Variants in TRPC6 observed in about 807,000 individuals in gnomAD.
The protein encoded by TRPC6 is transient receptor potential cation channel subfamily C member 6.
Under a neutral mutation model 90.7 loss-of-function variants are expected in TRPC6, and 55 were observed. The ratio of observed to expected loss-of-function variants is 0.61; its 90% CI spans 0.49 to 0.76. The LOEUF (loss-of-function observed/expected upper bound fraction) is 0.76. Among genes scored for constraint, TRPC6 ranks in the 30% least tolerant of loss-of-function variants. The pLI is 0.00. For missense variants in TRPC6, 989 were observed against 1,122.7 expected (o/e 0.88, Z 1.70); for synonymous variants, 393 against 393.0 (o/e 1.00, Z 0.00).
At chr11:101,511,326 A>G (rs1019043832) in intron 1 of TRPC6, among the ~76,000 whole-genome samples, 1 of 152,114 alleles carries the variant, frequency 6.6e-6, no homozygotes, top group African/African-American at 2.4e-5. Context: ...GGTTTTCCTT[A>G]GTCCTATGAG....
At chr11:101,457,394 A>ATTAGAGT (rs1162161331) in intron 10 of TRPC6, among the ~76,000 whole-genome samples, 1 of 152,072 alleles carries the variant, frequency 6.6e-6, no homozygotes, top group Admixed American at 6.6e-5. Flanking sequence ...TCATTTTAGG[A>ATTAGAGT]TTAGAGTGAG....
intron 2 of TRPC6, among the ~76,000 whole-genome samples, chr11:101,496,232 A>G (rs1010824958): frequency 9.9e-5 from 15 of 152,172 alleles, no homozygotes; most frequent in African/African-American, 3.6e-4. Context: ...CTCCAATTCA[A>G]CAAGAGATTT....
chr11:101,475,689 CT>C (rs562805629), intron 6 of TRPC6, among the ~76,000 whole-genome samples: 2 of 151,846 alleles, frequency 1.3e-5, no homozygotes, highest in Non-Finnish European at 1.5e-5. Context: ...TTGAGTTTGA[CT>C]TTTTTTAGAT....
At chr11:101,486,292 T>C (rs940297497) in intron 4 of TRPC6, among the ~76,000 whole-genome samples, 1 of 152,106 alleles carries the variant, frequency 6.6e-6, no homozygotes, top group Non-Finnish European at 1.5e-5. Context: ...AAATTTGCCA[T>C]CTATATACTC....
At chr11:101,534,889 G>A (rs755163402) in intron 1 of TRPC6, among the ~76,000 whole-genome samples, 18 of 152,130 alleles carry the variant, frequency 1.2e-4, no homozygotes, top group South Asian at 2.1e-4. Context: ...TGGGCTGGGC[G>A]TAGTAGCTTA....
chr11:101,578,475 A>G (rs1862120010), intron 1 of TRPC6, among the ~76,000 whole-genome samples: 1 of 152,216 alleles, frequency 6.6e-6, no homozygotes, highest in Non-Finnish European at 1.5e-5. Flanking sequence ...TGTGGTCTCT[A>G]ACATTACATT....
Position 101,452,777 on chromosome 11 carries a change from C to T in TRPC6, c.*178G>A, listed in dbSNP as rs1293136986. The T allele has an allele frequency of 3.0e-6, 2 of 656,700 alleles. No individual in the cohort carries two copies. The highest frequency in any genetic ancestry group is 5.2e-6 in the Non-Finnish European group (2 of 385,458). 40.7% of individuals were successfully genotyped at this position (656,700 alleles called of 1,614,324 possible). ...CATTATCTACAGCCTTTACCCTGAA[C>T]AATGGAGTTTAATCACCAAAAAAAT... is the stretch of plus-strand genomic sequence containing the variant. On this transcript the variant is annotated 3_prime_UTR_variant, in exon 13 of 13. Transcript: ENST00000344327.
chr11:101,519,979 C>G (rs936078868), intron 1 of TRPC6: 1 of 152,510 alleles, frequency 6.6e-6, no homozygotes, highest in African/African-American at 2.4e-5. Flanking sequence ...TTGCACTTTT[C>G]TCTACCCTCT....
At chr11:101,545,710 G>A (rs192177996) in intron 1 of TRPC6, among the ~76,000 whole-genome samples, 1 of 152,280 alleles carries the variant, frequency 6.6e-6, no homozygotes, top group Non-Finnish European at 1.5e-5. Context: ...CACATTAGGA[G>A]TTGCCCCCTA....
At chr11:101,523,336 TCA>T (rs1200743044) in intron 1 of TRPC6, among the ~76,000 whole-genome samples, 2 of 152,168 alleles carry the variant, frequency 1.3e-5, no homozygotes, top group Non-Finnish European at 2.9e-5. Context: ...CTTTTACTGG[TCA>T]CAGTTATTTT....
rs1860195124 is a variant in TRPC6, at chr11:101,504,076, A to C, written c.893T>G (p.Leu298Ter). Residue 298 changes from leucine (L) to a stop codon, truncating the protein, a stop_gained, in exon 2 of 13, where the codon TTA becomes TGA. Coordinates refer to ENST00000344327, the MANE Select transcript of TRPC6 (RefSeq NM_004621.6). LOFTEE classifies it high-confidence loss of function. ...LSSEDPVMTA[L>*]ELSNELAVLA... The stretch of plus-strand genomic sequence containing the variant: ...AACTGCCAGTTCATTGCTAAGTTCT[A>C]AAGCCGTCATGACTGGATCTTCACT... 1 of 1,613,982 alleles carries C rather than the reference A, an allele frequency of 6.2e-7. No individual in the cohort carries two copies. Among genetic ancestry groups the C allele is most frequent in the African/African-American group, 1.3e-5 (1 of 74,916 alleles).
Position 101,504,037 on chromosome 11 carries a change from T to A in TRPC6, c.932A>T (p.Glu311Val). The A allele has an allele frequency of 6.2e-7, 1 of 1,614,102 alleles. No individual in the cohort carries two copies. Among genetic ancestry groups the A allele is most frequent in the Non-Finnish European group, 8.5e-7 (1 of 1,179,962 alleles). ...SNELAVLANIEKEFKNDYKKL... is the reference protein window; with the variant it reads ...SNELAVLANIVKEFKNDYKKL... ...TTAGTGACCTACCTTGAACTCTTTC[T>A]CAATATTGGCCAGAACTGCCAGTTC... The change falls in exon 2 of 13, where the codon GAG (glutamate) becomes GTG (valine). Residue 311 changes from glutamate to valine, a missense_variant. This residue lies in a region of TRPC6 where 486 missense variants were observed against 591.9 expected (regional missense o/e 0.82). Transcript: ENST00000344327.
intron 2 of TRPC6, among the ~76,000 whole-genome samples, chr11:101,492,583 A>T (rs1330076319): frequency 1.7e-5 from 1 of 57,632 alleles, no homozygotes; most frequent in Non-Finnish European, 3.4e-5. Context: ...ACCCTGTCTA[A>T]AAAAAAAAGA....
Position 101,482,962 on chromosome 11 carries a change from T to A in TRPC6, c.1497A>T (p.Ile499=), listed in dbSNP as rs1275319862. The A allele has an allele frequency of 6.2e-7, 1 of 1,613,964 alleles. No homozygotes were observed. The highest frequency in any genetic ancestry group is 1.1e-5 in the South Asian group (1 of 91,084). Residue 499 remains isoleucine (I), a synonymous_variant, in exon 5 of 13, where the codon ATA becomes ATT. Transcript: ENST00000344327. ...ATCAGTCTTTACCTATTACCCAGGA[T>A]ATAATGAGCATCTCCATCCATGAGA... is the stretch of plus-strand genomic sequence containing the variant. ...SCFSWMEMLI[I]SWVIGMIWAE... is the part of the protein sequence containing the mutation.
chr11:101,476,637 C>A, intron 5 of TRPC6, 103 bp from the exon 6 acceptor site: 1 of 1,114,660 alleles, frequency 9.0e-7, no homozygotes, highest in Non-Finnish European at 1.3e-6. Context: ...ATTACAAAAC[C>A]CTTCAAAATT....
At chr11:101,567,639 C>A (rs1298436071) in intron 1 of TRPC6, among the ~76,000 whole-genome samples, 1 of 152,146 alleles carries the variant, frequency 6.6e-6, no homozygotes, top group Non-Finnish European at 1.5e-5. Flanking sequence ...CTGGTGGGTG[C>A]CCCTCTGGGA....
intron 1 of TRPC6, among the ~76,000 whole-genome samples, chr11:101,553,315 CTTA>C (rs1469295076): frequency 6.7e-6 from 1 of 149,162 alleles, no homozygotes; most frequent in Non-Finnish European, 1.5e-5. Flanking sequence ...TGATACCAGC[CTTA>C]TTTTTTTTTA....
At chr11:101,541,454 C>A (rs1053674551) in intron 1 of TRPC6, among the ~76,000 whole-genome samples, 1 of 152,188 alleles carries the variant, frequency 6.6e-6, no homozygotes, top group Non-Finnish European at 1.5e-5. Context: ...CTCCACCTTT[C>A]GGTTTCAAGC....
At chr11:101,489,138 A>T (rs760998060) in intron 3 of TRPC6, 37 bp from the exon 4 acceptor site, 2 of 1,603,360 alleles carry the variant, frequency 1.2e-6, no homozygotes, top group South Asian at 2.2e-5. Flanking sequence ...AATTTGACTA[A>T]AGAAAGGTTC....
Sources: gnomAD v4.1 joint callset for allele counts (sites outside exome capture counted in the v4.1 genomes callset) on GRCh38, gnomAD v4.1.1 for gene constraint, gnomAD v4.1.1 regional missense constraint, MANE v1.5 for transcripts, NCBI Gene and HGNC (gene_info 2026-07-23, HGNC 2026-07-21) for gene names.